The following TBPL2 variants were observed in gnomAD, a reference collection of about 807,000 sequenced individuals.
TBPL2 encodes TATA box-binding protein-like 2.
Under a neutral mutation model 38.2 loss-of-function variants are expected in TBPL2, and 40 were observed. The observed-to-expected ratio is 1.05, with a 90% confidence interval of 0.81 to 1.36. The LOEUF is 1.36. TBPL2 is among the 40% of genes most tolerant of loss of function. The pLI, the probability that TBPL2 is intolerant of heterozygous loss-of-function variation, is 0.00. For missense variants in TBPL2, 461 were observed against 456.7 expected (o/e 1.01, Z -0.09); for synonymous variants, 169 against 171.7 (o/e 0.98, Z 0.12).
At chr14:55,435,211 T>C (rs1257385595) in intron 3 of TBPL2, among the ~76,000 whole-genome samples, 1 of 152,130 alleles carries the variant, frequency 6.6e-6, no homozygotes, top group East Asian at 1.9e-4. Flanking sequence ...AGACAACATT[T>C]GGCAAAAATT....
At chr14:55,426,362 G>A (rs1362140426) in intron 5 of TBPL2, among the ~76,000 whole-genome samples, 1 of 152,082 alleles carries the variant, frequency 6.6e-6, no homozygotes, top group East Asian at 1.9e-4. Flanking sequence ...CAGAGAAAGT[G>A]CCTGGTAACA....
chr14:55,426,201 G>C (rs531916276), intron 5 of TBPL2, among the ~76,000 whole-genome samples: 2 of 151,664 alleles, frequency 1.3e-5, no homozygotes, highest in East Asian at 3.9e-4. Context: ...CTGGGGGGTG[G>C]AGGTTGCAGT....
At chr14:55,414,245 C>G (rs1384138855) in exon 7 of TBPL2, 1 of 671,878 alleles carries the variant, frequency 1.5e-6, no homozygotes, top group Non-Finnish European at 2.5e-6. Flanking sequence ...TCTTAGGTTA[C>G]TTACACAGAG....
intron 4 of TBPL2, among the ~76,000 whole-genome samples, chr14:55,433,353 G>A (rs1329887694): frequency 7.5e-6 from 1 of 133,250 alleles, no homozygotes; most frequent in East Asian, 2.1e-4. Flanking sequence ...GAGTCTCACT[G>A]TGTTGCCCAG....
At chr14:55,429,251 T>G (rs1014764974) in intron 4 of TBPL2, among the ~76,000 whole-genome samples, 1 of 152,236 alleles carries the variant, frequency 6.6e-6, no homozygotes, top group African/African-American at 2.4e-5. Context: ...TTGGGTGTTA[T>G]TTGCTAAAAC....
intron 4 of TBPL2, among the ~76,000 whole-genome samples, chr14:55,432,445 A>C (rs74717680): frequency 4.0e-5 from 6 of 150,342 alleles, no homozygotes; most frequent in African/African-American, 7.4e-5. Context: ...AACAAACAAC[A>C]AAAAAAACAC....
chr14:55,432,444 C>CAAAAAAAAAACACA (rs371752274), intron 4 of TBPL2, among the ~76,000 whole-genome samples: 7 of 147,522 alleles, frequency 4.7e-5, no homozygotes, highest in South Asian at 2.2e-4. Flanking sequence ...AAACAAACAA[C>CAAAAAAAAAACACA]AAAAAAAACA....
chr14:55,431,616 T>A (rs1293546394), intron 4 of TBPL2, among the ~76,000 whole-genome samples: 1 of 152,158 alleles, frequency 6.6e-6, no homozygotes, highest in Non-Finnish European at 1.5e-5. Flanking sequence ...ATTCCTGGGA[T>A]CAACATAAGA....
intron 4 of TBPL2, among the ~76,000 whole-genome samples, chr14:55,429,246 T>A (rs1173361143): frequency 6.6e-6 from 1 of 152,206 alleles, no homozygotes. Context: ...TTTACTTGGG[T>A]GTTATTTGCT....
intron 3 of TBPL2, among the ~76,000 whole-genome samples, chr14:55,435,052 T>A (rs966819965): frequency 6.6e-6 from 1 of 152,096 alleles, no homozygotes; most frequent in African/African-American, 2.4e-5. Flanking sequence ...CAAGAAAGAA[T>A]AGATTTTATT....
chr14:55,421,096 G>A (rs943622715), intron 6 of TBPL2, among the ~76,000 whole-genome samples: 46 of 151,754 alleles, frequency 3.0e-4, no homozygotes, highest in African/African-American at 9.7e-4. Context: ...GAAATTTGGG[G>A]TAGGTGGGAA....
intron 6 of TBPL2, among the ~76,000 whole-genome samples, chr14:55,418,249 C>T (rs2140164148): frequency 6.6e-6 from 1 of 152,270 alleles, no homozygotes; most frequent in East Asian, 1.9e-4. Flanking sequence ...GTCCCCAGCC[C>T]CCAGCACATT....
chr14:55,439,014 T>C (rs7147415), intron 1 of TBPL2: 73,882 of 149,190 alleles, frequency 0.5, 18,462 homozygotes, highest in East Asian at 0.6. Flanking sequence ...CTCGGCTCAC[T>C]GCAACCTCTT....
chr14:55,436,192 T>C (rs1337042082), intron 2 of TBPL2, among the ~76,000 whole-genome samples: 2 of 152,174 alleles, frequency 1.3e-5, no homozygotes. Context: ...TGCCTCAAAA[T>C]AGAAATTACA....
At chr14:55,435,040 T>C (rs1885991196) in intron 3 of TBPL2, among the ~76,000 whole-genome samples, 1 of 151,916 alleles carries the variant, frequency 6.6e-6, no homozygotes, top group Admixed American at 6.6e-5. Context: ...CTTGGCAGGA[T>C]ACAAGAAAGA....
intron 6 of TBPL2, among the ~76,000 whole-genome samples, chr14:55,422,530 T>C (rs2140167576): frequency 6.6e-6 from 1 of 152,256 alleles, no homozygotes; most frequent in East Asian, 1.9e-4. Flanking sequence ...ATTACAGGCG[T>C]GAGCCACCGC....
At chr14:55,429,099 C>T in intron 4 of TBPL2, 125 bp from the exon 5 acceptor site, 1 of 1,200,342 alleles carries the variant, frequency 8.3e-7, no homozygotes, top group Non-Finnish European at 1.1e-6. Flanking sequence ...AAGCTGTAGG[C>T]TTTGTGAGGA....
At chr14:55,424,839 T>C (rs1008865866) in intron 5 of TBPL2, among the ~76,000 whole-genome samples, 6 of 152,158 alleles carry the variant, frequency 3.9e-5, no homozygotes, top group South Asian at 2.1e-4. Flanking sequence ...GGCCACTCCA[T>C]GGAGCGAAAG....
intron 4 of TBPL2, among the ~76,000 whole-genome samples, chr14:55,431,490 C>A (rs1885924719): frequency 6.6e-6 from 1 of 152,184 alleles, no homozygotes; most frequent in South Asian, 2.1e-4. Context: ...TACAATTTTA[C>A]TTTATGACTT....
Sources: gnomAD v4.1 joint callset for allele counts (sites outside exome capture counted in the v4.1 genomes callset) on GRCh38, gnomAD v4.1.1 for gene constraint, MANE v1.5 for transcripts, NCBI Gene and HGNC (gene_info 2026-07-23, HGNC 2026-07-21) for gene names.